The following ARHGAP39 variants were observed in gnomAD, a reference collection of about 807,000 sequenced individuals.
The protein encoded by ARHGAP39 is rho GTPase-activating protein 39.
A neutral mutation model predicts 106.9 loss-of-function variants in ARHGAP39; 44 were observed. The observed-to-expected ratio is 0.41, with a 90% confidence interval of 0.32 to 0.53. The LOEUF (loss-of-function observed/expected upper bound fraction) is 0.53. ARHGAP39 is among the 20% of genes least tolerant of loss of function. ARHGAP39 has a pLI of 0.21. For synonymous variants in ARHGAP39, 768 were observed against 693.2 expected (o/e 1.11, Z -1.69); for missense variants, 1,496 against 1,577.3 (o/e 0.95, Z 0.87).
upstream of ARHGAP39, among the ~76,000 whole-genome samples, chr8:144,687,311 G>A (rs373687796): frequency 8.5e-3 from 127 of 14,946 alleles, 2 homozygotes; most frequent in African/African-American, 0.03. Context: ...CCGTGACCAC[G>A]CACTGGCGGC....
chr8:144,547,105 G>A lies in ARHGAP39; in HGVS notation c.1959+22C>T, dbSNP rs1470331878. 1.3e-6 allele frequency: 2 copies of A among 1,552,410 alleles called. No individual in the cohort carries two copies. The highest frequency in any genetic ancestry group is 1.7e-6 in the Non-Finnish European group (2 of 1,149,726). ...GGCTGGCCCCAGGCTCTCAAGCTCA[G>A]CCGCGCCCATTGGGCCCTCACCTGT... On this transcript the variant is annotated intron_variant, in intron 5 of 11. Coordinates refer to ENST00000377307, the MANE Select transcript of ARHGAP39 (RefSeq NM_025251.3). This position sits in a 1 kb window ranked among gnomAD's most constrained non-coding sequence, Gnocchi z 5.2.
intron 1 of ARHGAP39, among the ~76,000 whole-genome samples, chr8:144,620,523 G>A (rs879587938): frequency 6.6e-6 from 1 of 151,138 alleles, no homozygotes; most frequent in African/African-American, 2.5e-5. Context: ...GCCCGTGTGA[G>A]CCTGTGTCCC....
chr8:144,540,306 G>A (rs1221042581), intron 6 of ARHGAP39, among the ~76,000 whole-genome samples: 2 of 152,168 alleles, frequency 1.3e-5, no homozygotes, highest in Admixed American at 1.3e-4. Context: ...TGAGGCAGGG[G>A]GATCATAGCT....
At chr8:144,642,043 C>A (rs2130988823) in intron 1 of ARHGAP39, among the ~76,000 whole-genome samples, 1 of 152,346 alleles carries the variant, frequency 6.6e-6, no homozygotes, top group South Asian at 2.1e-4. Flanking sequence ...TTTGTTATGG[C>A]AGCAATAGAA....
In ARHGAP39 at chr8:144,604,798, G is replaced by A. The variant is rs1161995122; in HGVS notation, c.80+737C>T. On this transcript the variant is annotated intron_variant, in intron 2 of 11. Transcript: ENST00000377307. This position sits in a 1 kb window ranked among gnomAD's most constrained non-coding sequence, Gnocchi z 4.1. Reference sequence around the variant, plus strand: ...TGGTAACAAGCGTCCTGGGCTACCTGGAAGACGTCCTGAGGGAGCTCACGC... The same window carrying A: ...TGGTAACAAGCGTCCTGGGCTACCTAGAAGACGTCCTGAGGGAGCTCACGC... Among the ~76,000 whole-genome samples the A allele has an allele frequency of 2.6e-5, 4 of 152,302 alleles. No individual in the cohort carries two copies. In the East Asian group the frequency reaches 5.8e-4, roughly 22 times the overall value.
chr8:144,546,469 G>GTGTTCCTC (rs1817426479), intron 5 of ARHGAP39, among the ~76,000 whole-genome samples: 1 of 152,212 alleles, frequency 6.6e-6, no homozygotes, highest in Non-Finnish European at 1.5e-5. Context: ...GAAGCTCCCT[G>GTGTTCCTC]TGTTCCTCCT....
intron 3 of ARHGAP39, among the ~76,000 whole-genome samples, chr8:144,565,233 G>C (rs942772238): frequency 2.0e-5 from 3 of 152,106 alleles, no homozygotes; most frequent in Admixed American, 1.3e-4. Flanking sequence ...AGCCGAGCCT[G>C]CATCACTGCA....
At chr8:144,532,840 C>A (rs1443593732) in intron 9 of ARHGAP39, among the ~76,000 whole-genome samples, 1 of 152,226 alleles carries the variant, frequency 6.6e-6, no homozygotes, top group Non-Finnish European at 1.5e-5. Context: ...CCAGGCTACC[C>A]ATGGCTGGTG....
At chr8:144,550,219 G>T (rs1817641587) in intron 4 of ARHGAP39, among the ~76,000 whole-genome samples, 1 of 152,150 alleles carries the variant, frequency 6.6e-6, no homozygotes, top group Admixed American at 6.5e-5. Flanking sequence ...AAGCTGCAGT[G>T]AGCCATGATC....
chr8:144,572,493 C>CGTAAGTCTTTATTATTATTA (rs1818621114), intron 3 of ARHGAP39, among the ~76,000 whole-genome samples: 1 of 152,154 alleles, frequency 6.6e-6, no homozygotes, highest in Admixed American at 6.6e-5. Flanking sequence ...GGATTAAAGA[C>CGTAAGTCTTTATTATTATTA]TTACATATTA....
Position 144,644,062 on chromosome 8 carries a change from G to A in ARHGAP39, c.-81-38367C>T, listed in dbSNP as rs557147086. Among the ~76,000 whole-genome samples the A allele has an allele frequency of 5.9e-5, 9 of 152,290 alleles. No homozygotes were observed. In the South Asian group the frequency reaches 1.7e-3, roughly 28 times the overall value. Reference sequence around the variant, plus strand: ...ACGTGACCCAGCAATTCCACTCCCAGGAATCTAGTCGGGAGACATGAAGTC... The same window carrying A: ...ACGTGACCCAGCAATTCCACTCCCAAGAATCTAGTCGGGAGACATGAAGTC... On this transcript the variant is annotated intron_variant, in intron 1 of 11. Transcript: ENST00000377307. This position sits in a 1 kb window ranked among gnomAD's most constrained non-coding sequence, Gnocchi z 4.8.
At chr8:144,658,026 C>G (rs1049625611) in intron 1 of ARHGAP39, among the ~76,000 whole-genome samples, 2 of 152,146 alleles carry the variant, frequency 1.3e-5, no homozygotes, top group African/African-American at 4.8e-5. Flanking sequence ...TAACACTGCA[C>G]TGGATATTAA....
In ARHGAP39 at chr8:144,605,712, G is replaced by T; in HGVS notation, c.-81-17C>A. On this transcript the variant is annotated splice_polypyrimidine_tract_variant and intron_variant, in intron 1 of 11. Transcript: ENST00000377307. ...GGTGCCGCACTGCAAGAGGGGAGAAGCAACAGTGCTGATATGGAAGACGCC... is the reference window on the plus strand; with the variant it reads ...GGTGCCGCACTGCAAGAGGGGAGAATCAACAGTGCTGATATGGAAGACGCC... 1 of 1,199,594 alleles carries T rather than the reference G, an allele frequency of 8.3e-7. No homozygotes were observed. The highest frequency in any genetic ancestry group is 1.2e-6 in the Non-Finnish European group (1 of 823,380). The allele number at this position is 1,199,594 out of a possible 1,614,324, so 74.3% of individuals were successfully genotyped here. A position where few individuals can be genotyped will look rare whatever the true frequency, so the allele number is the denominator to read the frequency against.
At chr8:144,610,565 A>G (rs1160742664) in intron 1 of ARHGAP39, among the ~76,000 whole-genome samples, 1 of 151,742 alleles carries the variant, frequency 6.6e-6, no homozygotes, top group East Asian at 1.9e-4. Context: ...CAAAAAAGTT[A>G]GCCAGGCGTG....
Position 144,530,490 on chromosome 8 carries a change from T to G in ARHGAP39, c.3277A>C (p.Lys1093Gln). ...DPRVIFENTR[K>Q]EMSFLRVLIQ... ...AGCACCCGCAGGAAGGACATCTCCT[T>G]GCGGGTGTTCTCGAAGATGACGCGC... Residue 1093 changes from lysine (K) to glutamine (Q), a missense_variant, in exon 12 of 12, where the codon AAG (lysine) becomes CAG (glutamine). By Grantham distance (53) the Lys-to-Gln change is moderately conservative. Around this residue, in one of 4 missense-constraint regions of ARHGAP39, gnomAD observed 470 missense variants for 605.1 expected, o/e 0.78. Transcript: ENST00000377307. The G allele has an allele frequency of 6.2e-7, 1 of 1,611,894 alleles. No homozygotes were observed. The highest frequency in any genetic ancestry group is 8.5e-7 in the Non-Finnish European group (1 of 1,179,612).
In ARHGAP39 at chr8:144,667,329, G is replaced by T. The variant is rs538914041; in HGVS notation, c.-82+18357C>A. On this transcript the variant is annotated intron_variant, in intron 1 of 11. Coordinates refer to ENST00000377307, the MANE Select transcript of ARHGAP39 (RefSeq NM_025251.3). ...GCCTGCACTCCTTCCCCCACAAGTG[G>T]TTTACTTCCTTCACCTGCCCAAATG... Among the ~76,000 whole-genome samples, 16 of 152,244 alleles carry T rather than the reference G, an allele frequency of 1.1e-4. No individual in the cohort carries two copies. The South Asian group carries it at 3.1e-3, about 30-fold the overall frequency.
chr8:144,694,075 G>C, the ARHGAP39 span, among the ~76,000 whole-genome samples: 1 of 152,232 alleles, frequency 6.6e-6, no homozygotes, highest in African/African-American at 2.4e-5. Flanking sequence ...AGAGGAGAAA[G>C]AGCAGACTCC....
intron 3 of ARHGAP39, among the ~76,000 whole-genome samples, chr8:144,569,787 A>G (rs1317760895): frequency 1.3e-5 from 2 of 152,194 alleles, no homozygotes; most frequent in Non-Finnish European, 2.9e-5. Context: ...TTGCCTTTCA[A>G]TTTTCCTTCC....
At chr8:144,619,575 T>G (rs1405822645) in intron 1 of ARHGAP39, among the ~76,000 whole-genome samples, 1 of 150,630 alleles carries the variant, frequency 6.6e-6, no homozygotes, top group Admixed American at 6.6e-5. Flanking sequence ...TACCCGTGTG[T>G]GTGTGAGACT....
Sources: allele counts gnomAD v4.1 joint callset (sites outside exome capture counted in the v4.1 genomes callset), GRCh38; gene constraint gnomAD v4.1.1; regional missense constraint gnomAD v4.1.1; non-coding constraint Gnocchi (gnomAD v3.1); transcripts MANE v1.5; gene names NCBI Gene and HGNC (gene_info 2026-07-23, HGNC 2026-07-21).